Variants in FAM135B observed in about 807,000 individuals in gnomAD.
FAM135B encodes family with sequence similarity 135 member B, also known as protein FAM135B.
Under a neutral mutation model 127.7 loss-of-function variants are expected in FAM135B, and 43 were observed. The ratio of observed to expected loss-of-function variants is 0.34; its 90% confidence interval spans 0.26 to 0.43. FAM135B has a LOEUF of 0.43. Among genes scored for constraint, FAM135B ranks in the 20% least tolerant of loss-of-function variants. The pLI is 1.00. For synonymous variants in FAM135B, 670 were observed against 665.1 expected, an observed-to-expected ratio of 1.01 and a Z score of -0.11; for missense variants, 1,558 against 1,725.6, an observed-to-expected ratio of 0.90 and a Z score of 1.72.
intron 12 of FAM135B, among the ~76,000 whole-genome samples, chr8:138,165,849 A>G (rs1586660238): frequency 1.3e-5 from 2 of 152,200 alleles, no homozygotes; most frequent in Admixed American, 1.3e-4. Flanking sequence ...ACTGCCATAC[A>G]CTATACTGAC....
chr8:138,217,776 C>G (rs1252560731), intron 7 of FAM135B, among the ~76,000 whole-genome samples: 2 of 152,108 alleles, frequency 1.3e-5, no homozygotes, highest in African/African-American at 4.8e-5. Flanking sequence ...TCCTCCTATG[C>G]GTGAGGCGCT....
intron 4 of FAM135B, 76 bp downstream of exon 4, chr8:138,265,627 C>T: frequency 6.5e-7 from 1 of 1,535,844 alleles, no homozygotes; most frequent in Non-Finnish European, 8.9e-7. Flanking sequence ...CTTCTTTCAA[C>T]ATTTACCTAG....
Position 138,151,211 on chromosome 8 carries a change from G to C in FAM135B, c.3264C>G (p.Val1088=), listed in dbSNP as rs2130720264. 1.3e-6 allele frequency: 2 copies of C among 1,538,682 alleles called. No individual in the cohort carries two copies. The highest frequency in any genetic ancestry group is 1.7e-6 in the Non-Finnish European group (2 of 1,142,938). ...CAGCTTACCTAAACATCCTCTCACT[G>C]ACTTCCTCATCCAACGTGCTGGAAT... The part of the protein sequence containing the change: ...STHSSTLDEE[V]SERMFSFYQA... Residue 1088 remains valine (V), a synonymous_variant, in exon 13 of 20, where the codon GTC becomes GTG. Coordinates refer to ENST00000395297, the MANE Select transcript of FAM135B (RefSeq NM_015912.4).
intron 9 of FAM135B, among the ~76,000 whole-genome samples, chr8:138,190,809 T>C (rs1816050862): frequency 6.6e-6 from 1 of 152,204 alleles, no homozygotes; most frequent in Non-Finnish European, 1.5e-5. Flanking sequence ...TCCAGGTCTT[T>C]AGATAACCTC....
rs773407603 is a variant in FAM135B, at chr8:138,141,502, T to A, written c.3639-153A>T. Among the ~76,000 whole-genome samples, 1 of 152,138 alleles carries A rather than the reference T, an allele frequency of 6.6e-6. No homozygotes were observed. The highest frequency in any genetic ancestry group is 1.5e-5 in the Non-Finnish European group (1 of 68,028). On this transcript the variant is annotated intron_variant, in intron 16 of 19. Coordinates refer to ENST00000395297, the MANE Select transcript of FAM135B (RefSeq NM_015912.4). This position sits in a 1 kb window ranked among gnomAD's most constrained non-coding sequence, Gnocchi z 4.7. Reference sequence around the variant, plus strand: ...AACAGGGACTGCCAACTCAACCTCATCAGGTTTCAAAACACTGGCCATGAG... The same window carrying A: ...AACAGGGACTGCCAACTCAACCTCAACAGGTTTCAAAACACTGGCCATGAG...
chr8:138,326,657 A>G (rs1827813224), intron 2 of FAM135B, among the ~76,000 whole-genome samples: 1 of 152,160 alleles, frequency 6.6e-6, no homozygotes, highest in East Asian at 1.9e-4. Context: ...TTTCATGCAG[A>G]AGGATCAAAG....
intron 1 of FAM135B, among the ~76,000 whole-genome samples, chr8:138,447,810 T>TA (rs11405476): frequency 0.49 from 71,136 of 144,126 alleles, 17,390 homozygotes; most frequent in Non-Finnish European, 0.55. Context: ...AGTATAATAA[T>TA]AAAAAAAAAA....
At chr8:138,250,113 G>A (rs1408747509) in intron 6 of FAM135B, among the ~76,000 whole-genome samples, 1 of 152,222 alleles carries the variant, frequency 6.6e-6, no homozygotes, top group Admixed American at 6.5e-5. Context: ...AGCACTTTGA[G>A]AAGCCAAGGA....
At chr8:138,257,781 C>T (rs187229390) in intron 4 of FAM135B, among the ~76,000 whole-genome samples, 123 of 151,822 alleles carry the variant, frequency 8.1e-4, no homozygotes, top group Non-Finnish European at 1.1e-3. Context: ...TTGTTTAGAC[C>T]CCATAGTATT....
chr8:138,209,598 T>C (rs1586781386), intron 7 of FAM135B, among the ~76,000 whole-genome samples: 1 of 152,138 alleles, frequency 6.6e-6, no homozygotes, highest in African/African-American at 2.4e-5. Flanking sequence ...GCATAGCATG[T>C]TGATCAAGAA....
intron 9 of FAM135B, among the ~76,000 whole-genome samples, chr8:138,186,362 A>T (rs16908507): frequency 0.2 from 30,825 of 152,060 alleles, 3,490 homozygotes; most frequent in East Asian, 0.33. Flanking sequence ...TGGAGTAAAG[A>T]TTCATCCACA....
intron 4 of FAM135B, among the ~76,000 whole-genome samples, chr8:138,263,170 T>C (rs1256402176): frequency 6.6e-6 from 1 of 152,134 alleles, no homozygotes; most frequent in African/African-American, 2.4e-5. Flanking sequence ...TTTTGTAGCA[T>C]TGGCAGTTTC....
chr8:138,173,531 G>C (rs1018792556), intron 11 of FAM135B, among the ~76,000 whole-genome samples: 1 of 152,094 alleles, frequency 6.6e-6, no homozygotes, highest in Non-Finnish European at 1.5e-5. Context: ...GAGAATAATA[G>C]TACCTACCTC....
chr8:138,464,055 C>T (rs189218140), intron 1 of FAM135B, among the ~76,000 whole-genome samples: 11 of 152,100 alleles, frequency 7.2e-5, no homozygotes, highest in Admixed American at 4.6e-4. Flanking sequence ...CGTAAATGTC[C>T]GTATTCACTC....
At chr8:138,212,016 T>C (rs11784304) in intron 7 of FAM135B, among the ~76,000 whole-genome samples, 3 of 152,134 alleles carry the variant, frequency 2.0e-5, no homozygotes, top group African/African-American at 7.2e-5. Flanking sequence ...TGCAGTGAGC[T>C]GAGATGGAGC....
chr8:138,306,646 G>C (rs1455356147), intron 3 of FAM135B, among the ~76,000 whole-genome samples: 1 of 149,930 alleles, frequency 6.7e-6, no homozygotes, highest in Non-Finnish European at 1.5e-5. Flanking sequence ...GCAGTGGCGC[G>C]ATCTCTGCTC....
At chr8:138,323,842 TA>T (rs1250295128) in intron 2 of FAM135B, among the ~76,000 whole-genome samples, 1 of 152,204 alleles carries the variant, frequency 6.6e-6, no homozygotes, top group Admixed American at 6.5e-5. Context: ...TAAGAGCCAT[TA>T]AAAGGTAAGA....
intron 15 of FAM135B, among the ~76,000 whole-genome samples, chr8:138,143,394 G>A (rs901216837): frequency 6.6e-6 from 1 of 152,190 alleles, no homozygotes; most frequent in Non-Finnish European, 1.5e-5. Context: ...TGGCGTGTCA[G>A]CGTGACACTG....
intron 9 of FAM135B, among the ~76,000 whole-genome samples, chr8:138,185,753 A>C (rs1246028687): frequency 6.6e-6 from 1 of 152,218 alleles, no homozygotes; most frequent in African/African-American, 2.4e-5. Flanking sequence ...CTGTATTATA[A>C]CAAATTAAAC....
Sources: gnomAD v4.1 joint callset for allele counts (sites outside exome capture counted in the v4.1 genomes callset) on GRCh38, gnomAD v4.1.1 for gene constraint, Gnocchi (gnomAD v3.1) non-coding constraint, MANE v1.5 for transcripts, NCBI Gene and HGNC (gene_info 2026-07-23, HGNC 2026-07-21) for gene names.